Variants in SETD2 observed in about 807,000 individuals in gnomAD.
The protein encoded by SETD2 is SET domain containing 2, histone lysine methyltransferase.
In SETD2, 31 loss-of-function variants were observed where a neutral mutation model predicts 242.1. The observed-to-expected ratio is 0.13, with a 90% confidence interval of 0.10 to 0.17. SETD2 has a LOEUF of 0.17. Ranked by LOEUF, SETD2 falls within the 10% of genes least tolerant of loss-of-function variation. The probability of loss-of-function intolerance (pLI) is 1.00; values close to 1 mark genes in which losing one functional copy is unlikely to be tolerated. For synonymous variants in SETD2, 1,006 were observed against 1,066.5 expected (o/e 0.94, Z 1.11); for missense variants, 2,481 against 3,046.3 (o/e 0.81, Z 4.37).
chr3:47,109,605 G>A (rs761825867), intron 5 of SETD2, among the ~76,000 whole-genome samples: 5 of 152,062 alleles, frequency 3.3e-5, no homozygotes, highest in African/African-American at 4.8e-5. Flanking sequence ...CTGTGATCGC[G>A]CCACTGCATT....
At position 47,123,088 on chromosome 3, in the gene SETD2, T is replaced by C. The variant is rs2106695126; in HGVS notation, c.1548A>G (p.Arg516=). ...RRGKYSSKLE[R]ESKRTSENEA... is the part of the protein sequence containing the mutation. Reference sequence around the variant, plus strand: ...CATTTTCTGAAGTCCTTTTAGATTCTCTTTCTAGTTTTGAAGAATACTTGC... The same window carrying C: ...CATTTTCTGAAGTCCTTTTAGATTCCCTTTCTAGTTTTGAAGAATACTTGC... Residue 516 remains arginine (R), a synonymous_variant, in exon 3 of 21, where the codon AGA becomes AGG. Transcript: ENST00000409792. 6.2e-7 allele frequency: 1 copy of C among 1,613,710 alleles called. No homozygotes were observed. Among genetic ancestry groups the C allele is most frequent in the Non-Finnish European group, 8.5e-7 (1 of 1,179,802 alleles).
intron 1 of SETD2, among the ~76,000 whole-genome samples, chr3:47,133,077 T>C (rs908345124): frequency 6.6e-6 from 1 of 152,140 alleles, no homozygotes; most frequent in South Asian, 2.1e-4. Flanking sequence ...GTCTGCAAAT[T>C]TCCAGCATTC....
intron 15 of SETD2, among the ~76,000 whole-genome samples, chr3:47,048,361 C>G (rs2039627701): frequency 1.3e-5 from 2 of 152,094 alleles, no homozygotes; most frequent in African/African-American, 4.8e-5. Context: ...TGCACTCCAG[C>G]CTGGGCAACA....
Position 47,123,586 on chromosome 3 carries a change from A to C in SETD2, c.1050T>G (p.Asp350Glu), listed in dbSNP as rs1283598835. 2 of 1,550,380 alleles carry C rather than the reference A, an allele frequency of 1.3e-6. No homozygotes were observed. Among genetic ancestry groups the C allele is most frequent in the South Asian group, 2.4e-5 (2 of 84,018 alleles). The stretch of plus-strand genomic sequence containing the variant: ...TTAAAGGTGCTGAGCTCTTTTTAAA[A>C]TCTCTTTCCTTTTCAATGCTTGCTG... ...KFSASIEKERDFKKSSAPLKS... is the reference protein window; with the variant it reads ...KFSASIEKEREFKKSSAPLKS... The change falls in exon 3 of 21, where the codon GAT becomes GAG. Residue 350 changes from aspartate to glutamate, a missense_variant. Physicochemically the swap from Asp to Glu is conservative, Grantham distance 45. This residue lies in a region of SETD2 where 38 missense variants were observed against 61.0 expected (regional missense o/e 0.62). Coordinates refer to ENST00000409792, the MANE Select transcript of SETD2 (RefSeq NM_014159.7).
chr3:47,124,604 G>T (rs1251148374), intron 2 of SETD2, 56 bp from the exon 3 acceptor site: 2 of 1,398,716 alleles, frequency 1.4e-6, no homozygotes, highest in Non-Finnish European at 9.6e-7. Flanking sequence ...CTTTCAAATG[G>T]ACTGCACAGT....
intron 1 of SETD2, among the ~76,000 whole-genome samples, chr3:47,137,550 G>A (rs2043617266): frequency 6.6e-6 from 1 of 152,016 alleles, no homozygotes; most frequent in African/African-American, 2.4e-5. Context: ...AATATTTTAT[G>A]TAATGCCCAT....
intron 18 of SETD2, among the ~76,000 whole-genome samples, chr3:47,027,197 G>A (rs1310094762): frequency 6.6e-6 from 1 of 151,950 alleles, no homozygotes; most frequent in East Asian, 1.9e-4. Context: ...AATTAGCCAT[G>A]CGTGGTGGCG....
intron 1 of SETD2, among the ~76,000 whole-genome samples, chr3:47,158,020 T>A (rs2044165243): frequency 6.6e-6 from 1 of 152,122 alleles, no homozygotes; most frequent in Non-Finnish European, 1.5e-5. Context: ...CACAAAGCAA[T>A]TAAGTAAAAG....
Position 47,123,928 on chromosome 3 carries a change from T to C in SETD2, c.708A>G (p.Arg236=), listed in dbSNP as rs2106715655. 2 of 1,552,084 alleles carry C rather than the reference T, an allele frequency of 1.3e-6. No individual in the cohort carries two copies. Among genetic ancestry groups the C allele is most frequent in the Non-Finnish European group, 1.7e-6 (2 of 1,146,884 alleles). ...TTATAATTGGTGGTTCTTTCAGAGA[T>C]CTAACTGCTACATCTACTGGTAAGG... ...PVPLPVDVAV[R]SLKEPPIIIV... is the part of the protein sequence containing the mutation. Residue 236 remains arginine, a synonymous_variant, in exon 3 of 21, where the codon AGA becomes AGG. Coordinates refer to ENST00000409792, the MANE Select transcript of SETD2 (RefSeq NM_014159.7).
chr3:47,022,408 T>C (rs927276141), intron 18 of SETD2, among the ~76,000 whole-genome samples: 3 of 150,208 alleles, frequency 2.0e-5, no homozygotes, highest in Admixed American at 6.7e-5. Context: ...GAGGTTGAGG[T>C]TGGAGAGTTG....
chr3:47,122,258 A>G lies in SETD2; in HGVS notation c.2378T>C (p.Ile793Thr). Reference protein sequence around the residue: ...VSCCKTKDSDIYCTLNDSNPS... With the variant: ...VSCCKTKDSDTYCTLNDSNPS... ...GTTGCTATCGTTCAAAGTACAGTAT[A>G]TGTCTGAATCTTTGGTTTTGCAGCA... Residue 793 changes from isoleucine to threonine, a missense_variant, in exon 3 of 21, where the codon ATA becomes ACA. Coordinates refer to ENST00000409792, the MANE Select transcript of SETD2 (RefSeq NM_014159.7). 1.2e-6 allele frequency: 2 copies of G among 1,614,104 alleles called. No homozygotes were observed. The highest frequency in any genetic ancestry group is 2.2e-5 in the East Asian group (1 of 44,872).
chr3:47,062,459 T>G (rs1369298155), intron 13 of SETD2, 113 bp from the exon 14 acceptor site: 1 of 963,654 alleles, frequency 1.0e-6, no homozygotes, highest in Non-Finnish European at 1.6e-6. Flanking sequence ...CCAACAAATG[T>G]ATCTATGGAC....
chr3:47,129,051 T>C (rs2043417270), intron 1 of SETD2, among the ~76,000 whole-genome samples: 1 of 152,040 alleles, frequency 6.6e-6, no homozygotes, highest in African/African-American at 2.4e-5. Flanking sequence ...CCTGACAAAA[T>C]ATGATGAAAA....
At chr3:47,104,395 C>T (rs2042329234) in intron 6 of SETD2, among the ~76,000 whole-genome samples, 1 of 151,916 alleles carries the variant, frequency 6.6e-6, no homozygotes. Flanking sequence ...TAAAAATAAG[C>T]CAGGCATGGT....
intron 15 of SETD2, among the ~76,000 whole-genome samples, chr3:47,051,756 A>T (rs919710412): frequency 6.6e-6 from 1 of 152,290 alleles, no homozygotes; most frequent in Middle Eastern, 3.4e-3. Context: ...CCAGGGTAAA[A>T]CATGTTATTT....
At chr3:47,128,547 C>T (rs1447521766) in intron 1 of SETD2, among the ~76,000 whole-genome samples, 2 of 152,118 alleles carry the variant, frequency 1.3e-5, no homozygotes, top group African/African-American at 2.4e-5. Flanking sequence ...TCATTCCATT[C>T]GCCAGTGTCT....
rs879471046 is a variant in SETD2 at position 47,107,736 on chromosome 3, G to C, written c.4716-1616C>G. Among the ~76,000 whole-genome samples, 1,238 of 139,118 alleles carry C rather than the reference G, an allele frequency of 8.9e-3. 33 individuals are homozygous for C. Among genetic ancestry groups the C allele is most frequent in the Non-Finnish European group, 0.013 (797 of 62,302 alleles). The allele number at this position is 139,118 out of a possible 152,430, so 91.3% of individuals were successfully genotyped here. A position where few individuals can be genotyped will look rare whatever the true frequency, so the allele number is the denominator to read the frequency against. On this transcript the variant is annotated intron_variant, in intron 5 of 20. Transcript: ENST00000409792. ...TTTGGGTGGCGGGGGGGGGTGGGGG[G>C]GGGGTGGCAGGATTGCTTTGGCCCA...
At chr3:47,087,208 CAAA>C (rs531462349) in intron 10 of SETD2, among the ~76,000 whole-genome samples, 1 of 93,052 alleles carries the variant, frequency 1.1e-5, no homozygotes, top group South Asian at 3.5e-4. Flanking sequence ...TGAATTATTA[CAAA>C]AAAAAAAAAA....
chr3:47,065,659 C>G (rs1201556934), intron 13 of SETD2, among the ~76,000 whole-genome samples: 2 of 151,916 alleles, frequency 1.3e-5, no homozygotes, highest in African/African-American at 4.8e-5. Flanking sequence ...AATAAATAAC[C>G]AGGCATGGTG....
Sources: gnomAD v4.1 joint callset for allele counts (sites outside exome capture counted in the v4.1 genomes callset) on GRCh38, gnomAD v4.1.1 for gene constraint, gnomAD v4.1.1 regional missense constraint, MANE v1.5 for transcripts, NCBI Gene and HGNC (gene_info 2026-07-23, HGNC 2026-07-21) for gene names.